UBN2: variants seen among roughly 807,000 people sequenced by gnomAD.
UBN2 encodes ubinuclein 2, also known as ubinuclein-2.
A neutral mutation model predicts 120.2 loss-of-function variants in UBN2; 35 were observed. The observed-to-expected ratio is 0.29, with a 90% CI of 0.22 to 0.39. The LOEUF (loss-of-function observed/expected upper bound fraction) is 0.39, where lower values mean the gene tolerates loss of function less well. Among genes scored for constraint, UBN2 ranks in the 10% least tolerant of loss-of-function variants. UBN2 has a pLI of 1.00. For synonymous variants in UBN2, 661 were observed against 648.7 expected (o/e 1.02, Z -0.29); for missense variants, 1,693 against 1,663.2 (o/e 1.02, Z -0.31).
downstream of UBN2, among the ~76,000 whole-genome samples, chr7:139,313,003 C>G (rs1046082102): frequency 4.6e-5 from 7 of 151,940 alleles, no homozygotes; most frequent in South Asian, 1.2e-3. Flanking sequence ...CTTTTTATTT[C>G]CACACCAGTA....
intron 3 of UBN2, among the ~76,000 whole-genome samples, chr7:139,256,384 C>T (rs2130969983): frequency 6.6e-6 from 1 of 152,104 alleles, no homozygotes; most frequent in Non-Finnish European, 1.5e-5. Context: ...ATTTTTATTT[C>T]AGATAGTAAC....
intron 2 of UBN2, among the ~76,000 whole-genome samples, chr7:139,248,636 C>G (rs1796536630): frequency 6.6e-6 from 1 of 151,924 alleles, no homozygotes; most frequent in Admixed American, 6.6e-5. Flanking sequence ...ATATTCCTAC[C>G]TCATCTATTT....
chr7:139,251,709 G>A (rs1284382505), intron 2 of UBN2, among the ~76,000 whole-genome samples: 1 of 152,212 alleles, frequency 6.6e-6, no homozygotes, highest in African/African-American at 2.4e-5. Context: ...TGTTGACGTT[G>A]ACTGTAGTCA....
At chr7:139,294,855 TA>T (rs1798065591) in intron 17 of UBN2, among the ~76,000 whole-genome samples, 1 of 152,066 alleles carries the variant, frequency 6.6e-6, no homozygotes, top group African/African-American at 2.4e-5. Context: ...AAAAAATTAA[TA>T]TGATCCAAGC....
At chr7:139,325,964 A>G in the UBN2 span, among the ~76,000 whole-genome samples, 7,500 of 151,986 alleles carry the variant, frequency 0.049, 228 homozygotes, top group South Asian at 0.096. Flanking sequence ...GCCAAGGGGG[A>G]TGGATCACTT....
At chr7:139,321,845 G>T in the UBN2 span, among the ~76,000 whole-genome samples, 5 of 152,188 alleles carry the variant, frequency 3.3e-5, no homozygotes, top group African/African-American at 7.2e-5. Context: ...AAGGCCGGAG[G>T]AGGCAGTATG....
In UBN2 at chr7:139,240,447, TATATA is replaced by T. The variant is rs1470674408; in HGVS notation, c.561+3351_561+3355del. The stretch of plus-strand genomic sequence containing the variant: ...CAGCCTAAATATATATATATATATA[TATATA>T]TATTTTTTTTTTTAAATAATTATTT... On this transcript the variant is annotated intron_variant, in intron 2 of 17. Transcript: ENST00000473989. Among the ~76,000 whole-genome samples, 30 of 36,704 alleles carry T rather than the reference TATATA, an allele frequency of 8.2e-4. 1 individual carries two copies. Among genetic ancestry groups the T allele is most frequent in the Non-Finnish European group, 1.5e-3 (17 of 11,672 alleles). 24.1% of individuals were successfully genotyped at this position (36,704 alleles called of 152,430 possible). A position where few individuals can be genotyped will look rare whatever the true frequency, so the allele number is the denominator to read the frequency against.
intron 15 of UBN2, among the ~76,000 whole-genome samples, chr7:139,287,854 G>A (rs1797836733): frequency 6.6e-6 from 1 of 152,122 alleles, no homozygotes. Flanking sequence ...TGAAAACAGA[G>A]TTCCTATCTA....
At chr7:139,325,085 G>A in the UBN2 span, among the ~76,000 whole-genome samples, 2 of 151,880 alleles carry the variant, frequency 1.3e-5, no homozygotes, top group Non-Finnish European at 2.9e-5. Context: ...TTAAAATGTT[G>A]ATAAAAGTAT....
intron 1 of UBN2, among the ~76,000 whole-genome samples, chr7:139,233,170 A>G (rs1336266757): frequency 6.6e-6 from 1 of 152,200 alleles, no homozygotes; most frequent in Non-Finnish European, 1.5e-5. Context: ...TTATTTAGAA[A>G]TGTTATGTGG....
chr7:139,259,402 G>A (rs569288114), intron 5 of UBN2, 32 bp downstream of exon 5: 4 of 1,609,588 alleles, frequency 2.5e-6, no homozygotes, highest in Non-Finnish European at 3.4e-6. Context: ...AAGGGAACTG[G>A]CGTCACAGTC....
intron 15 of UBN2, among the ~76,000 whole-genome samples, chr7:139,289,439 G>T (rs1247784824): frequency 6.5e-5 from 8 of 122,552 alleles, no homozygotes; most frequent in African/African-American, 1.1e-4. Flanking sequence ...TTGAGACAGG[G>T]TCTCACTCTG....
At position 139,262,364 on chromosome 7, in the gene UBN2, T is replaced by C. The variant is rs562895588; in HGVS notation, c.1395+623T>C. ...ATCTGCCTGCTTTGACCTCCCAAAG[T>C]GCTGGGATTACAGGTGTGACCCACT... On this transcript the variant is annotated intron_variant, in intron 6 of 17. Transcript: ENST00000473989. Among the ~76,000 whole-genome samples the C allele has an allele frequency of 2.6e-5, 4 of 152,290 alleles. No individual in the cohort carries two copies. The South Asian group carries it at 8.3e-4, about 32-fold the overall frequency.
chr7:139,318,565 T>C, the UBN2 span, among the ~76,000 whole-genome samples: 1 of 152,164 alleles, frequency 6.6e-6, no homozygotes, highest in Non-Finnish European at 1.5e-5. Flanking sequence ...TGCAGTGTTG[T>C]GATCATTCCT....
At chr7:139,295,319 G>A (rs536334435) in intron 17 of UBN2, among the ~76,000 whole-genome samples, 3 of 152,252 alleles carry the variant, frequency 2.0e-5, no homozygotes, top group Non-Finnish European at 4.4e-5. Flanking sequence ...CAGCAATCCC[G>A]ATCTTCCTGA....
chr7:139,263,194 T>C (rs558498141), intron 6 of UBN2, among the ~76,000 whole-genome samples: 45 of 152,320 alleles, frequency 3.0e-4, no homozygotes, highest in African/African-American at 9.4e-4. Context: ...TCCGAAGTAT[T>C]TGCCTCATTT....
At chr7:139,253,138 G>A (rs999835838) in intron 3 of UBN2, among the ~76,000 whole-genome samples, 1 of 152,126 alleles carries the variant, frequency 6.6e-6, no homozygotes, top group Non-Finnish European at 1.5e-5. Flanking sequence ...GGCTGCTAGT[G>A]AATATACCTA....
In UBN2 at chr7:139,272,563, G is replaced by T. The variant is rs546172338; in HGVS notation, c.1715+123G>T. 9.2e-5 allele frequency: 67 copies of T among 725,128 alleles called. 2 individuals are homozygous for T. Among genetic ancestry groups the T allele is most frequent in the African/African-American group, 8.1e-4 (44 of 54,618 alleles). The allele number at this position is 725,128 out of a possible 1,614,324, so 44.9% of individuals were successfully genotyped here. The stretch of plus-strand genomic sequence containing the variant: ...GTATTTTGAGACGGAATCTCAGTCT[G>T]TTGCCCAGGCTGGAGTGGAATGGTA... On this transcript the variant is annotated intron_variant, in intron 9 of 17. Coordinates refer to ENST00000473989, the MANE Select transcript of UBN2 (RefSeq NM_173569.4).
rs1798313860 is a variant in UBN2, at chr7:139,303,924, G to A, written c.*6088G>A. 6.6e-6 allele frequency: 1 copy of A among 152,132 alleles called. No individual in the cohort carries two copies. The highest frequency in any genetic ancestry group is 2.4e-5 in the African/African-American group (1 of 41,422). The allele number at this position is 152,132 out of a possible 1,614,324, so 9.4% of individuals were successfully genotyped here. On this transcript the variant is annotated 3_prime_UTR_variant, in exon 18 of 18. Transcript: ENST00000473989. ...GGTGTTACTGTGATTTTTCGTCAAG[G>A]TTGTGGAGCTAAAGTTAGATAAAGT...
Sources: allele counts gnomAD v4.1 joint callset (sites outside exome capture counted in the v4.1 genomes callset), GRCh38; gene constraint gnomAD v4.1.1; transcripts MANE v1.5; gene names NCBI Gene and HGNC (gene_info 2026-07-23, HGNC 2026-07-21).